CLIC1: variants seen among roughly 807,000 people sequenced by gnomAD.
CLIC1 encodes chloride intracellular channel protein 1.
CLIC1 carries 16 observed loss-of-function variants against 26.4 expected under a neutral mutation model. The ratio of observed to expected loss-of-function variants is 0.61; its 90% confidence interval spans 0.41 to 0.92. CLIC1 has a LOEUF of 0.92. Ranked by LOEUF, CLIC1 falls within the 40% of genes least tolerant of loss-of-function variation. The probability of loss-of-function intolerance (pLI) is 0.00; values close to 1 mark genes in which losing one functional copy is unlikely to be tolerated. For synonymous variants in CLIC1, 98 were observed against 120.8 expected, an observed-to-expected ratio of 0.81 and a Z score of 1.24; for missense variants, 225 against 289.7, an observed-to-expected ratio of 0.78 and a Z score of 1.62.
Position 31,734,121 on chromosome 6 carries a change from C to T in CLIC1, c.149+33G>A, listed in dbSNP as rs752488228. 2.5e-6 allele frequency: 4 copies of T among 1,595,064 alleles called. No homozygotes were observed. The African/African-American group carries it at 5.4e-5, about 21-fold the overall frequency. On this transcript the variant is annotated intron_variant, in intron 2 of 5. Coordinates refer to ENST00000375784, the Ensembl canonical transcript of CLIC1. This position sits in a 1 kb window ranked among gnomAD's most constrained non-coding sequence, Gnocchi z 5.3. ...TGTGTGTTTGCACACATGTGTACAC[C>T]AGGGGTGTTTCAAGGAACATAAGCA...
Position 31,730,991 on chromosome 6 carries a change from T to C in CLIC1, c.577A>G (p.Lys193Glu). The C allele has an allele frequency of 6.2e-7, 1 of 1,612,702 alleles. No individual in the cohort carries two copies. Among genetic ancestry groups the C allele is most frequent in the Non-Finnish European group, 8.5e-7 (1 of 1,179,912 alleles). Residue 193 changes from lysine (K) to glutamate (E), a missense_variant, in exon 6 of 6, where the codon AAG becomes GAG. Lys to Glu is a moderately conservative substitution (Grantham distance 56). Transcript: ENST00000375784. This position sits in a 1 kb window ranked among gnomAD's most constrained non-coding sequence, Gnocchi z 5.1. ...TCGGGGATGGTGAATCCCCGGTACT[T>C]CTTACACACCACCTGAGGATGGGGA...
chr6:31,736,703 C>T (rs1252810696), upstream of CLIC1: 13 of 1,047,798 alleles, frequency 1.2e-5, no homozygotes, highest in African/African-American at 1.7e-5. This position sits in a 1 kb window ranked among gnomAD's most constrained non-coding sequence, Gnocchi z 5.0. Context: ...TCCGACCTCT[C>T]CTGAACACAG....
At position 31,736,526 on chromosome 6, in the gene CLIC1, C is replaced by G. The variant is rs762758405; in HGVS notation, c.-226G>C. The G allele has an allele frequency of 6.6e-6, 9 of 1,372,570 alleles. No individual in the cohort carries two copies. The highest frequency in any genetic ancestry group is 8.5e-6 in the Non-Finnish European group (9 of 1,062,090). 85.0% of individuals were successfully genotyped at this position (1,372,570 alleles called of 1,614,324 possible). A position where few individuals can be genotyped will look rare whatever the true frequency, so the allele number is the denominator to read the frequency against. ...AGCTCGGTCCTCTCCCGGGCTGGAT[C>G]AGAGAGCCGCTGACTCACCGACCGG... On this transcript the variant is annotated 5_prime_UTR_variant, in exon 1 of 6. Transcript: ENST00000375784. This position sits in a 1 kb window ranked among gnomAD's most constrained non-coding sequence, Gnocchi z 5.0.
chr6:31,733,902 C>T lies in CLIC1; in HGVS notation c.209G>A (p.Gly70Asp). 6.2e-7 allele frequency: 1 copy of T among 1,614,082 alleles called. No homozygotes were observed. ...GTTGGTGTCTGTGTGCACTTCAGTG[C>T]CATACAGCAGGAATGGGAGCTGCCC... is the stretch of plus-strand genomic sequence containing the variant. Residue 70 changes from glycine (G) to aspartate (D), a missense_variant, in exon 3 of 6, where the codon GGC (glycine) becomes GAC (aspartate). Coordinates refer to ENST00000375784, the Ensembl canonical transcript of CLIC1. The surrounding 1 kb of genome is among the most constrained non-coding windows in gnomAD (Gnocchi z 5.4).
In CLIC1 at chr6:31,736,111, C is replaced by T. The variant is rs1646691310; in HGVS notation, c.39+151G>A. Reference sequence around the variant, plus strand: ...ACTTGCTAACAAGTTAATGTCTTCCCCTCTCAAAACCACCCCTCAACCAAA... The same window carrying T: ...ACTTGCTAACAAGTTAATGTCTTCCTCTCTCAAAACCACCCCTCAACCAAA... On this transcript the variant is annotated intron_variant, in intron 1 of 5. Transcript: ENST00000375784. The surrounding 1 kb of genome is among the most constrained non-coding windows in gnomAD (Gnocchi z 5.0). The T allele has an allele frequency of 1.1e-5, 8 of 735,026 alleles. No homozygotes were observed. In the South Asian group the frequency reaches 1.4e-4, roughly 13 times the overall value. The allele number at this position is 735,026 out of a possible 1,614,324, so 45.5% of individuals were successfully genotyped here.
In CLIC1 at chr6:31,734,007, G is replaced by A. The variant is rs1465818527; in HGVS notation, c.150-46C>T. The A allele has an allele frequency of 3.1e-6, 5 of 1,604,494 alleles. No homozygotes were observed. In the African/African-American group the frequency reaches 5.4e-5, roughly 17 times the overall value. ...CAGGACTGGAAATGGGGGTCAGGAAGAACCAGAAAGGGGGAATGGAGGACG... is the reference window on the plus strand; with the variant it reads ...CAGGACTGGAAATGGGGGTCAGGAAAAACCAGAAAGGGGGAATGGAGGACG... On this transcript the variant is annotated intron_variant, in intron 2 of 5. Transcript: ENST00000375784. This position sits in a 1 kb window ranked among gnomAD's most constrained non-coding sequence, Gnocchi z 5.3.
At chr6:31,736,987 G>T, upstream of CLIC1, 1 of 982,928 alleles carries the variant, frequency 1.0e-6, no homozygotes, top group Non-Finnish European at 1.2e-6. The surrounding 1 kb of genome is among the most constrained non-coding windows in gnomAD (Gnocchi z 5.0). Context: ...TGGGATTAGG[G>T]AAGGGGTGAC....
intron 1 of CLIC1, among the ~76,000 whole-genome samples, chr6:31,735,599 G>T (rs114999198): frequency 0.012 from 1,833 of 152,056 alleles, 37 homozygotes; most frequent in South Asian, 0.075. Context: ...TGGTAGCTAC[G>T]TTAAACTCAC....
At position 31,736,393 on chromosome 6, in the gene CLIC1, C is replaced by T. The variant is rs1003552704; in HGVS notation, c.-93G>A. 1 of 1,604,180 alleles carries T rather than the reference C, an allele frequency of 6.2e-7. No individual in the cohort carries two copies. Among genetic ancestry groups the T allele is most frequent in the African/African-American group, 1.3e-5 (1 of 74,866 alleles). The stretch of plus-strand genomic sequence containing the variant: ...GGGTCTCACACTCAGGGACTCTCTC[C>T]CCTAGACCCAGGGCTGTCCCTTCAG... On this transcript the variant is annotated 5_prime_UTR_variant, in exon 1 of 6. Transcript: ENST00000375784. This position sits in a 1 kb window ranked among gnomAD's most constrained non-coding sequence, Gnocchi z 5.0.
Position 31,732,501 on chromosome 6 carries a change from G to T in CLIC1, c.383-103C>A. 3.0e-6 allele frequency: 2 copies of T among 664,512 alleles called. No homozygotes were observed. The highest frequency in any genetic ancestry group is 4.7e-6 in the Non-Finnish European group (2 of 429,758). The allele number at this position is 664,512 out of a possible 1,614,324, so 41.2% of individuals were successfully genotyped here. ...TAATGGTGAGTCCAAAATAATAATA[G>T]CTAACACTCATGTAGTTACTTTTCT... is the stretch of plus-strand genomic sequence containing the variant. On this transcript the variant is annotated intron_variant, in intron 4 of 5. Transcript: ENST00000375784. This position sits in a 1 kb window ranked among gnomAD's most constrained non-coding sequence, Gnocchi z 5.0.
rs9469043 is a variant in CLIC1, at chr6:31,732,155, T to A, written c.564+62A>T. ...TAGAGTGGTTGTCAGGGGAAGCCCA[T>A]GTGGGAGCTCCTTAAAGGGCCACTC... is the stretch of plus-strand genomic sequence containing the variant. On this transcript the variant is annotated intron_variant, in intron 5 of 5. Transcript: ENST00000375784. This position sits in a 1 kb window ranked among gnomAD's most constrained non-coding sequence, Gnocchi z 5.0. 2,886 of 1,297,956 alleles carry A rather than the reference T, an allele frequency of 2.2e-3. 18 individuals are homozygous for A. Among genetic ancestry groups the A allele is most frequent in the East Asian group, 0.013 (460 of 35,788 alleles). 80.4% of individuals were successfully genotyped at this position (1,297,956 alleles called of 1,614,324 possible).
rs574649825 is a variant in CLIC1, at chr6:31,733,394, A to G, written c.382+172T>C. Among the ~76,000 whole-genome samples the G allele has an allele frequency of 1.3e-5, 2 of 152,206 alleles. No individual in the cohort carries two copies. Among genetic ancestry groups the G allele is most frequent in the South Asian group, 2.1e-4 (1 of 4,834 alleles). On this transcript the variant is annotated intron_variant, in intron 4 of 5. Coordinates refer to ENST00000375784, the Ensembl canonical transcript of CLIC1. This position sits in a 1 kb window ranked among gnomAD's most constrained non-coding sequence, Gnocchi z 5.4. ...GAGAAAAGCTTAAAAGTCTTGGCCA[A>G]TGAAAATGCAGGGAAATATAGAGGT...
rs907589613 is a variant in CLIC1 at position 31,730,716 on chromosome 6, G to A, written c.*126C>T. ...ATCCCCTCTTCCACCACACCATCCC[G>A]GAACAAGTGCTCCAGGATTCCCTGC... is the stretch of plus-strand genomic sequence containing the variant. On this transcript the variant is annotated 3_prime_UTR_variant, in exon 6 of 6. Transcript: ENST00000375784. This position sits in a 1 kb window ranked among gnomAD's most constrained non-coding sequence, Gnocchi z 5.1. The A allele has an allele frequency of 3.9e-6, 4 of 1,019,230 alleles. No homozygotes were observed. The African/African-American group carries it at 4.8e-5, about 12-fold the overall frequency. 63.1% of individuals were successfully genotyped at this position (1,019,230 alleles called of 1,614,324 possible).
In CLIC1 at chr6:31,733,688, A is replaced by G; in HGVS notation, c.276-16T>C. On this transcript the variant is annotated splice_polypyrimidine_tract_variant and intron_variant, in intron 3 of 5. Transcript: ENST00000375784. The surrounding 1 kb of genome is among the most constrained non-coding windows in gnomAD (Gnocchi z 5.4). ...CTTGGGGTACCTGAAAGCCAATGGG[A>G]AAAATGAGGTAAGATGTCTTCCTGG... 6.2e-7 allele frequency: 1 copy of G among 1,612,070 alleles called. No homozygotes were observed.
At position 31,733,921 on chromosome 6, in the gene CLIC1, G is replaced by A. The variant is rs777415310; in HGVS notation, c.190C>T (p.Leu64Phe). 6 of 1,614,010 alleles carry A rather than the reference G, an allele frequency of 3.7e-6. No homozygotes were observed. ...TCAGTGCCATACAGCAGGAATGGGA[G>A]CTGCCCCCCTGGGCACAGCTTCTGC... Residue 64 changes from leucine to phenylalanine, a missense_variant, in exon 3 of 6, where the codon CTC becomes TTC. Leu to Phe is a conservative substitution (Grantham distance 22). Transcript: ENST00000375784. The surrounding 1 kb of genome is among the most constrained non-coding windows in gnomAD (Gnocchi z 5.4).
chr6:31,736,926 C>T (rs1402182953), upstream of CLIC1: 2 of 985,580 alleles, frequency 2.0e-6, no homozygotes, highest in African/African-American at 1.7e-5. The surrounding 1 kb of genome is among the most constrained non-coding windows in gnomAD (Gnocchi z 5.0). Flanking sequence ...GAGAGAAGAA[C>T]TCGGAAGTGG....
chr6:31,734,817 C>T lies in CLIC1; in HGVS notation c.40-554G>A, dbSNP rs1233314330. On this transcript the variant is annotated intron_variant, in intron 1 of 5. Coordinates refer to ENST00000375784, the Ensembl canonical transcript of CLIC1. The surrounding 1 kb of genome is among the most constrained non-coding windows in gnomAD (Gnocchi z 5.3). ...GGTGACCTCATTGGCCCAAGGGACA[C>T]CTCCCCCTAAGCTGAGGGTGATTCA... Among the ~76,000 whole-genome samples, 1 of 152,096 alleles carries T rather than the reference C, an allele frequency of 6.6e-6. No homozygotes were observed. Among genetic ancestry groups the T allele is most frequent in the African/African-American group, 2.4e-5 (1 of 41,406 alleles).
rs555616506 is a variant in CLIC1 at position 31,736,378 on chromosome 6, C to T, written c.-78G>A. ...GGGACCGGGGAAGGCGGGTCTCACA[C>T]TCAGGGACTCTCTCCCCTAGACCCA... On this transcript the variant is annotated 5_prime_UTR_variant, in exon 1 of 6. It adds an upstream start codon to the 5' untranslated region. Coordinates refer to ENST00000375784, the Ensembl canonical transcript of CLIC1. The surrounding 1 kb of genome is among the most constrained non-coding windows in gnomAD (Gnocchi z 5.0). 2.5e-6 allele frequency: 4 copies of T among 1,609,098 alleles called. No homozygotes were observed. In the Admixed American group the frequency reaches 5.0e-5, roughly 20 times the overall value.
Position 31,733,777 on chromosome 6 carries a change from ACTGT to A in CLIC1, c.275+55_275+58del, listed in dbSNP as rs1380634257. On this transcript the variant is annotated intron_variant, in intron 3 of 5. Transcript: ENST00000375784. The surrounding 1 kb of genome is among the most constrained non-coding windows in gnomAD (Gnocchi z 5.4). ...CCATCTCTGTTTTCCATTTCTGCAA[ACTGT>A]CTGTTTCCCAGAATCTCCCTGCTCC... The A allele has an allele frequency of 2.9e-5, 47 of 1,607,252 alleles. No individual in the cohort carries two copies. In the South Asian group the frequency reaches 4.4e-4, roughly 15 times the overall value.
Sources: gnomAD v4.1 joint callset for allele counts (sites outside exome capture counted in the v4.1 genomes callset) on GRCh38, gnomAD v4.1.1 for gene constraint, Gnocchi (gnomAD v3.1) non-coding constraint, MANE v1.5 for transcripts, NCBI Gene and HGNC (gene_info 2026-07-23, HGNC 2026-07-21) for gene names.